SH2B1: variants seen among roughly 807,000 people sequenced by gnomAD.
SH2B1 encodes SH2B adaptor protein 1.
SH2B1 carries 15 observed loss-of-function variants against 62.6 expected under a neutral mutation model. The ratio of observed to expected loss-of-function variants is 0.24; its 90% CI spans 0.16 to 0.37. The LOEUF is 0.37. SH2B1 is among the 10% of genes least tolerant of loss of function. SH2B1 has a pLI of 1.00. For missense variants in SH2B1, 925 were observed against 1,015.6 expected (o/e 0.91, Z 1.21); for synonymous variants, 443 against 438.0 (o/e 1.01, Z -0.14).
chr16:28,870,969 G>T (rs1217409320), intron 4 of SH2B1, among the ~76,000 whole-genome samples: 2 of 151,826 alleles, frequency 1.3e-5, no homozygotes, highest in East Asian at 3.9e-4. Context: ...TTACAGGCGT[G>T]AGCCACTGTG....
rs1228680019 is a variant in SH2B1 at position 28,874,091 on chromosome 16, C to T, written c.*271C>T. On this transcript the variant is annotated 3_prime_UTR_variant, in exon 8 of 8. Transcript: ENST00000684370. ...TGGGGGCCATTTCCCCATTAACTAC[C>T]CCCAGCCCGAGGCAGGGTGAGGGGG... 2 of 368,740 alleles carry T rather than the reference C, an allele frequency of 5.4e-6. No individual in the cohort carries two copies. The highest frequency in any genetic ancestry group is 9.6e-6 in the Non-Finnish European group (2 of 207,308). 22.8% of individuals were successfully genotyped at this position (368,740 alleles called of 1,614,324 possible).
Position 28,864,084 on chromosome 16 carries a change from A to T in SH2B1, c.-2011A>T, listed in dbSNP as rs910049916. 3.3e-5 allele frequency: 43 copies of T among 1,319,534 alleles called. No homozygotes were observed. The highest frequency in any genetic ancestry group is 4.0e-5 in the Non-Finnish European group (41 of 1,028,924). The allele number at this position is 1,319,534 out of a possible 1,614,324, so 81.7% of individuals were successfully genotyped here. A position where few individuals can be genotyped will look rare whatever the true frequency, so the allele number is the denominator to read the frequency against. On this transcript the variant is annotated 5_prime_UTR_variant, in exon 1 of 8. Coordinates refer to ENST00000684370, the MANE Select transcript of SH2B1 (RefSeq NM_001387430.1). ...AGAGGCACTCGGCCCCGGAGAGTGCAGCAGACAGGGCTGGTCCCGAGGTGG... is the reference window on the plus strand; with the variant it reads ...AGAGGCACTCGGCCCCGGAGAGTGCTGCAGACAGGGCTGGTCCCGAGGTGG...
chr16:28,866,599 A>G lies in SH2B1; in HGVS notation c.505A>G (p.Ile169Val). ...GRSVRGSVRG[I>V]LQWRGTVDPP... Reference sequence around the variant, plus strand: ...CTCTGTCCGAGGCTCAGTCCGTGGCATCCTGCAGTGGCGGGGGACCGTTGA... The same window carrying G: ...CTCTGTCCGAGGCTCAGTCCGTGGCGTCCTGCAGTGGCGGGGGACCGTTGA... The change falls in exon 1 of 8, where the codon ATC becomes GTC. Residue 169 changes from isoleucine (I) to valine (V), a missense_variant. Physicochemically the swap from Ile to Val is conservative, Grantham distance 29. Transcript: ENST00000684370. This position sits in a 1 kb window ranked among gnomAD's most constrained non-coding sequence, Gnocchi z 6.3. 1 of 1,614,008 alleles carries G rather than the reference A, an allele frequency of 6.2e-7. No homozygotes were observed. The highest frequency in any genetic ancestry group is 8.5e-7 in the Non-Finnish European group (1 of 1,180,002).
At chr16:28,853,136 T>A (rs1243928649) in intron 1 of SH2B1, among the ~76,000 whole-genome samples, 54 of 130,816 alleles carry the variant, frequency 4.1e-4, no homozygotes, top group African/African-American at 1.2e-3. Flanking sequence ...ATGTATACAT[T>A]TATATAAATA....
intron 3 of SH2B1, 42 bp from the exon 4 acceptor site, chr16:28,869,166 C>G: frequency 1.2e-6 from 2 of 1,613,774 alleles, no homozygotes; most frequent in Non-Finnish European, 1.7e-6. Flanking sequence ...CGCCTCTCAC[C>G]TGGTGACTTT....
chr16:28,855,849 G>T (rs1164228142), intron 1 of SH2B1, among the ~76,000 whole-genome samples: 1 of 127,096 alleles, frequency 7.9e-6, no homozygotes, highest in Non-Finnish European at 1.6e-5. Context: ...TAGAGATGGG[G>T]TTTCACTGTG....
At position 28,865,172 on chromosome 16, in the gene SH2B1, C is replaced by T. The variant is rs949085087; in HGVS notation, c.-923C>T. ...AGCTCTCCCTGTGATGTTTTGTTTA[C>T]GTGAGGCCAGCAAAGACTTGACCTG... is the stretch of plus-strand genomic sequence containing the variant. On this transcript the variant is annotated 5_prime_UTR_variant, in exon 1 of 8. In the 5' UTR this introduces an upstream ATG that the reference lacks. Coordinates refer to ENST00000684370, the MANE Select transcript of SH2B1 (RefSeq NM_001387430.1). 5.1e-6 allele frequency: 5 copies of T among 985,608 alleles called. No individual in the cohort carries two copies. Among genetic ancestry groups the T allele is most frequent in the South Asian group, 4.7e-5 (1 of 21,286 alleles). 61.1% of individuals were successfully genotyped at this position (985,608 alleles called of 1,614,324 possible). A position where few individuals can be genotyped will look rare whatever the true frequency, so the allele number is the denominator to read the frequency against.
chr16:28,851,270 C>T (rs570858945), intron 1 of SH2B1, among the ~76,000 whole-genome samples: 1 of 151,856 alleles, frequency 6.6e-6, no homozygotes, highest in Non-Finnish European at 1.5e-5. Flanking sequence ...CTGTTCTCCC[C>T]TCCCCTCTCC....
At position 28,852,712 on chromosome 16, in the gene SH2B1, T is replaced by A. The variant is rs868544876; in HGVS notation, c.-301+5885T>A. ...TATATTTATATATATACATATATAT[T>A]TACATATATATTTATATATATACAT... On this transcript the variant is annotated intron_variant, in intron 1 of 10. Transcript: ENST00000322610. 5.4e-5 allele frequency among the ~76,000 whole-genome samples: 4 copies of A among 73,510 alleles called. 1 individual carries two copies. The highest frequency in any genetic ancestry group is 2.6e-4 in the Admixed American group (1 of 3,778). The allele number at this position is 73,510 out of a possible 152,430, so 48.2% of individuals were successfully genotyped here.
chr16:28,872,131 C>T lies in SH2B1; in HGVS notation c.1514-59C>T. 1 of 1,542,284 alleles carries T rather than the reference C, an allele frequency of 6.5e-7. No homozygotes were observed. The highest frequency in any genetic ancestry group is 8.9e-7 in the Non-Finnish European group (1 of 1,125,218). ...TGAGGGGAAGGCAAGGCTTTTTTCT[C>T]CCAGGATGGGGGAGGCTGCCCTGAC... On this transcript the variant is annotated intron_variant, in intron 5 of 7. Coordinates refer to ENST00000684370, the MANE Select transcript of SH2B1 (RefSeq NM_001387430.1). This position sits in a 1 kb window ranked among gnomAD's most constrained non-coding sequence, Gnocchi z 5.3.
Position 28,872,360 on chromosome 16 carries a change from G to C in SH2B1, c.1684G>C (p.Gly562Arg). Reference protein sequence around the residue: ...FLVRQSETRRGEYVLTFNFQG... With the variant: ...FLVRQSETRRREYVLTFNFQG... ...GGTGCGCCAGAGTGAGACAAGGCGG[G>C]GTGAATACGTCCTCACCTTCAACTT... The change falls in exon 6 of 8, where the codon GGT (glycine) becomes CGT (arginine). Residue 562 changes from glycine to arginine, a missense_variant. By Grantham distance (125) the Gly-to-Arg change is moderately radical. Around this residue, in one of 3 missense-constraint regions of SH2B1, gnomAD observed 57 missense variants for 122.1 expected, o/e 0.47. Transcript: ENST00000684370. This position sits in a 1 kb window ranked among gnomAD's most constrained non-coding sequence, Gnocchi z 5.3. 1.9e-6 allele frequency: 3 copies of C among 1,612,762 alleles called. No individual in the cohort carries two copies. The highest frequency in any genetic ancestry group is 2.5e-6 in the Non-Finnish European group (3 of 1,179,172).
rs1234503430 is a variant in SH2B1 at position 28,873,603 on chromosome 16, G to A, written c.2054G>A (p.Gly685Asp). 8.4e-6 allele frequency: 13 copies of A among 1,555,234 alleles called. No homozygotes were observed. Among genetic ancestry groups the A allele is most frequent in the Middle Eastern group, 1.7e-4 (1 of 5,996 alleles). ...KERQEKEKAG[G>D]GGVPEELVPV... is the part of the protein sequence containing the mutation. Reference sequence around the variant, plus strand: ...AGGCAAGAGAAAGAGAAAGCGGGCGGTGGAGGGGTCCCGGAAGAGCTGGTC... The same window carrying A: ...AGGCAAGAGAAAGAGAAAGCGGGCGATGGAGGGGTCCCGGAAGAGCTGGTC... Residue 685 changes from glycine to aspartate, a missense_variant, in exon 8 of 8, where the codon GGT becomes GAT. Gly to Asp is a moderately conservative substitution (Grantham distance 94, BLOSUM62 -1). Around this residue, in one of 3 missense-constraint regions of SH2B1, gnomAD observed 185 missense variants for 189.5 expected, o/e 0.98. Transcript: ENST00000684370. The surrounding 1 kb of genome is among the most constrained non-coding windows in gnomAD (Gnocchi z 4.2).
intron 1 of SH2B1, among the ~76,000 whole-genome samples, chr16:28,856,216 T>C (rs1355665645): frequency 1.4e-5 from 2 of 144,590 alleles, no homozygotes; most frequent in Non-Finnish European, 1.5e-5. Flanking sequence ...GACATTGCAG[T>C]GAGCCCAGAT....
intron 1 of SH2B1, among the ~76,000 whole-genome samples, chr16:28,853,068 A>G (rs1206238161): frequency 1.3e-4 from 15 of 113,870 alleles, no homozygotes; most frequent in African/African-American, 5.4e-4. Context: ...ATATATATGT[A>G]CATATATATT....
At chr16:28,856,872 C>T (rs1046681661) in intron 1 of SH2B1, among the ~76,000 whole-genome samples, 1 of 152,180 alleles carries the variant, frequency 6.6e-6, no homozygotes, top group African/African-American at 2.4e-5. Flanking sequence ...TCCCTGCATG[C>T]CAACCCTGAG....
chr16:28,867,701 T>C (rs1013476546), intron 2 of SH2B1, among the ~76,000 whole-genome samples: 1 of 152,124 alleles, frequency 6.6e-6, no homozygotes, highest in Non-Finnish European at 1.5e-5. Flanking sequence ...AAGTCAGGAG[T>C]GCAGCAACCT....
At position 28,872,081 on chromosome 16, in the gene SH2B1, G is replaced by A. The variant is rs930842305; in HGVS notation, c.1513+98G>A. 1 of 1,355,316 alleles carries A rather than the reference G, an allele frequency of 7.4e-7. No homozygotes were observed. The highest frequency in any genetic ancestry group is 1.0e-6 in the Non-Finnish European group (1 of 956,164). The allele number at this position is 1,355,316 out of a possible 1,614,324, so 84.0% of individuals were successfully genotyped here. On this transcript the variant is annotated intron_variant, in intron 5 of 7. Coordinates refer to ENST00000684370, the MANE Select transcript of SH2B1 (RefSeq NM_001387430.1). This position sits in a 1 kb window ranked among gnomAD's most constrained non-coding sequence, Gnocchi z 5.3. The stretch of plus-strand genomic sequence containing the variant: ...GAGGGAGCTGGCCCAGGGGAGTTGG[G>A]GACGCATGTGGGGAGCAGGCGCCTT...
At chr16:28,858,331 G>T (rs1045424997) in intron 1 of SH2B1, among the ~76,000 whole-genome samples, 2 of 152,068 alleles carry the variant, frequency 1.3e-5, no homozygotes, top group East Asian at 3.9e-4. Flanking sequence ...TGGCCAACGT[G>T]GTGAAACCCT....
chr16:28,855,308 C>T (rs1184917432), intron 1 of SH2B1, among the ~76,000 whole-genome samples: 1 of 150,992 alleles, frequency 6.6e-6, no homozygotes, highest in Admixed American at 6.6e-5. Flanking sequence ...CAACCTCCAC[C>T]TCCTGGGTTC....
Sources: gnomAD v4.1 joint callset for allele counts (sites outside exome capture counted in the v4.1 genomes callset) on GRCh38, gnomAD v4.1.1 for gene constraint, gnomAD v4.1.1 regional missense constraint, Gnocchi (gnomAD v3.1) non-coding constraint, MANE v1.5 for transcripts, NCBI Gene and HGNC (gene_info 2026-07-23, HGNC 2026-07-21) for gene names.